Variants in GRAMD4 observed in about 807,000 individuals in gnomAD.
GRAMD4 encodes GRAM domain-containing protein 4.
A neutral mutation model predicts 83.9 loss-of-function variants in GRAMD4; 25 were observed. The ratio of observed to expected loss-of-function variants is 0.30; its 90% CI spans 0.22 to 0.42. The LOEUF is 0.42. GRAMD4 is among the 10% of genes least tolerant of loss of function. The probability of loss-of-function intolerance (pLI) is 1.00; values close to 1 mark genes in which losing one functional copy is unlikely to be tolerated. For synonymous variants in GRAMD4, 336 were observed against 320.9 expected (o/e 1.05, Z -0.50); for missense variants, 593 against 788.7 (o/e 0.75, Z 2.97).
intron 2 of GRAMD4, 98 bp downstream of exon 2, chr22:46,627,059 C>A: frequency 1.2e-6 from 1 of 821,570 alleles, no homozygotes; most frequent in East Asian, 2.5e-5. Flanking sequence ...GTGTCCTGCC[C>A]ATGCTGGTCA....
At position 46,658,019 on chromosome 22, in the gene GRAMD4, G is replaced by A. The variant is rs79478009; in HGVS notation, c.284-168G>A. Among the ~76,000 whole-genome samples the A allele has an allele frequency of 5.1e-3, 780 of 152,306 alleles. 3 individuals are homozygous for A. The highest frequency in any genetic ancestry group is 0.017 in the African/African-American group (720 of 41,568). ...AAGGGCTGGATGGGGACCAGTTCATGTCCTGCTGTGAGCGCCCCGCACCCT... is the reference window on the plus strand; with the variant it reads ...AAGGGCTGGATGGGGACCAGTTCATATCCTGCTGTGAGCGCCCCGCACCCT... On this transcript the variant is annotated intron_variant, in intron 3 of 18. Coordinates refer to ENST00000406902, the MANE Select transcript of GRAMD4 (RefSeq NM_015124.5).
chr22:46,594,116 TCCCCAGCATCCTGCCAGCCCCA>T (rs2081236662), intron 1 of GRAMD4, among the ~76,000 whole-genome samples: 3 of 148,104 alleles, frequency 2.0e-5, no homozygotes, highest in African/African-American at 5.0e-5. Flanking sequence ...TGCCAGCCCC[TCCCCAGCATCCTGCCAGCCCCA>T]CCCCAGCATC....
chr22:46,603,587 G>T (rs1346392121), intron 1 of GRAMD4, among the ~76,000 whole-genome samples: 1 of 140,562 alleles, frequency 7.1e-6, no homozygotes, highest in Non-Finnish European at 1.5e-5. Flanking sequence ...CGCGATCCTG[G>T]CTCACTGCAA....
intron 8 of GRAMD4, among the ~76,000 whole-genome samples, chr22:46,664,763 C>A (rs1169917828): frequency 1.3e-5 from 2 of 152,228 alleles, no homozygotes; most frequent in African/African-American, 4.8e-5. Flanking sequence ...GCTAGGGCCT[C>A]CAGGCCAGAG....
intron 1 of GRAMD4, among the ~76,000 whole-genome samples, chr22:46,603,201 G>GTTTTTTTTTTTT (rs569545888): frequency 3.4e-5 from 3 of 89,414 alleles, no homozygotes; most frequent in Non-Finnish European, 6.1e-5. Context: ...ATCTTCTCTT[G>GTTTTTTTTTTTT]TTTTTTTTTT....
In GRAMD4 at chr22:46,679,380, C is replaced by T. The variant is rs561052527; in HGVS notation, c.*2129C>T. On this transcript the variant is annotated 3_prime_UTR_variant, in exon 19 of 19. Coordinates refer to ENST00000406902, the MANE Select transcript of GRAMD4 (RefSeq NM_015124.5). Reference sequence around the variant, plus strand: ...CCCAGGGAGGGCCACATTCGGGGAGCGGGGGGTCGGGGGAGGGCCACCGAC... The same window carrying T: ...CCCAGGGAGGGCCACATTCGGGGAGTGGGGGGTCGGGGGAGGGCCACCGAC... 118 of 985,116 alleles carry T rather than the reference C, an allele frequency of 1.2e-4. No individual in the cohort carries two copies. The East Asian group carries it at 1.6e-3, about 13-fold the overall frequency. 61.0% of individuals were successfully genotyped at this position (985,116 alleles called of 1,614,324 possible).
At chr22:46,581,617 T>C (rs1399797415) in intron 1 of GRAMD4, among the ~76,000 whole-genome samples, 3 of 152,274 alleles carry the variant, frequency 2.0e-5, no homozygotes, top group Non-Finnish European at 2.9e-5. Context: ...TCGGACAGCA[T>C]GTCCTGCTCA....
chr22:46,628,176 G>C (rs1361840556), intron 2 of GRAMD4, among the ~76,000 whole-genome samples: 1 of 152,214 alleles, frequency 6.6e-6, no homozygotes, highest in African/African-American at 2.4e-5. Context: ...AACAGGGAGG[G>C]GTGACGGGGA....
At position 46,622,817 on chromosome 22, in the gene GRAMD4, C is replaced by T. The variant is rs1314219656; in HGVS notation, c.-50+2252C>T. 1.3e-5 allele frequency among the ~76,000 whole-genome samples: 2 copies of T among 150,570 alleles called. No individual in the cohort carries two copies. Among genetic ancestry groups the T allele is most frequent in the Non-Finnish European group, 2.9e-5 (2 of 67,864 alleles). ...GTCCCAGCTACTCGGGAGGCTGAGG[C>T]AGGAGAATGGCGTGAACCCAGGAGG... On this transcript the variant is annotated intron_variant, in intron 1 of 18. Transcript: ENST00000406902. This position sits in a 1 kb window ranked among gnomAD's most constrained non-coding sequence, Gnocchi z 4.0.
intron 4 of GRAMD4, among the ~76,000 whole-genome samples, chr22:46,658,710 G>T (rs1001700164): frequency 1.3e-5 from 2 of 151,988 alleles, no homozygotes; most frequent in Admixed American, 6.5e-5. Context: ...CCGGGGGCCA[G>T]CCCGGCCTCT....
chr22:46,623,237 G>A (rs370275331), intron 1 of GRAMD4, among the ~76,000 whole-genome samples: 22 of 152,298 alleles, frequency 1.4e-4, no homozygotes, highest in East Asian at 3.9e-4. Flanking sequence ...GATGGATGGT[G>A]TGTGACGTGT....
intron 1 of GRAMD4, among the ~76,000 whole-genome samples, chr22:46,593,977 G>T (rs956328017): frequency 2.0e-5 from 3 of 151,680 alleles, no homozygotes; most frequent in African/African-American, 7.3e-5. Flanking sequence ...TGCCCGCCTC[G>T]GCCTCCCAAA....
chr22:46,672,836 C>A lies in GRAMD4; in HGVS notation c.1085-7C>A. 6.2e-7 allele frequency: 1 copy of A among 1,608,840 alleles called. No individual in the cohort carries two copies. ...TAGATGGAGCAGGCTGTGTCCCCTG[C>A]CCTCAGGACTCTATGCTGGTATCAA... On this transcript the variant is annotated splice_region_variant and splice_polypyrimidine_tract_variant and intron_variant, in intron 13 of 18. Coordinates refer to ENST00000406902, the MANE Select transcript of GRAMD4 (RefSeq NM_015124.5). The surrounding 1 kb of genome is among the most constrained non-coding windows in gnomAD (Gnocchi z 4.7).
In GRAMD4 at chr22:46,672,743, G is replaced by T. The variant is rs1465523430; in HGVS notation, c.1085-100G>T. ...CTCACATCCAGGCTCAGGGTGGAGGGTGCCAATCTGGGAGGTGGGAGGTGC... is the reference window on the plus strand; with the variant it reads ...CTCACATCCAGGCTCAGGGTGGAGGTTGCCAATCTGGGAGGTGGGAGGTGC... On this transcript the variant is annotated intron_variant, in intron 13 of 18. Coordinates refer to ENST00000406902, the MANE Select transcript of GRAMD4 (RefSeq NM_015124.5). The surrounding 1 kb of genome is among the most constrained non-coding windows in gnomAD (Gnocchi z 4.7). 8 of 885,530 alleles carry T rather than the reference G, an allele frequency of 9.0e-6. No individual in the cohort carries two copies. The highest frequency in any genetic ancestry group is 1.7e-5 in the African/African-American group (1 of 60,498). The allele number at this position is 885,530 out of a possible 1,614,324, so 54.9% of individuals were successfully genotyped here.
At chr22:46,610,644 G>A (rs954809042) in intron 1 of GRAMD4, among the ~76,000 whole-genome samples, 1 of 152,228 alleles carries the variant, frequency 6.6e-6, no homozygotes, top group East Asian at 1.9e-4. Context: ...ACAGCTTTCA[G>A]CTTGTGGGAA....
rs190103997 is a variant in GRAMD4 at position 46,592,312 on chromosome 22, C to T, written c.-50+15022C>T. On this transcript the variant is annotated intron_variant, in intron 1 of 1. Coordinates refer to the GRAMD4 transcript ENST00000431155. ...TTAAATAACTGACTGCTTAATTGTA[C>T]GATTAAAAACAGCAGAGCTGGGTGC... 2.3e-3 allele frequency among the ~76,000 whole-genome samples: 343 copies of T among 152,160 alleles called. 1 individual carries two copies. The highest frequency in any genetic ancestry group is 8.7e-3 in the South Asian group (42 of 4,804).
intron 3 of GRAMD4, among the ~76,000 whole-genome samples, chr22:46,643,963 C>G (rs1193884224): frequency 3.3e-5 from 5 of 152,184 alleles, no homozygotes; most frequent in Non-Finnish European, 7.3e-5. Flanking sequence ...TGCACCCCGC[C>G]CCCATTTCCT....
At chr22:46,669,235 G>A (rs150952590) in intron 13 of GRAMD4, among the ~76,000 whole-genome samples, 144 of 152,342 alleles carry the variant, frequency 9.5e-4, no homozygotes, top group African/African-American at 3.2e-3. Flanking sequence ...CTCTTGGGGC[G>A]CCTGTGGGCT....
intron 1 of GRAMD4, among the ~76,000 whole-genome samples, chr22:46,600,251 G>C (rs2081299761): frequency 6.6e-6 from 1 of 152,186 alleles, no homozygotes; most frequent in Admixed American, 6.5e-5. Context: ...GGCCACTGCT[G>C]AGGGTCTCCT....
Sources: gnomAD v4.1 joint callset for allele counts (sites outside exome capture counted in the v4.1 genomes callset) on GRCh38, gnomAD v4.1.1 for gene constraint, Gnocchi (gnomAD v3.1) non-coding constraint, MANE v1.5 for transcripts, NCBI Gene and HGNC (gene_info 2026-07-23, HGNC 2026-07-21) for gene names.